The following PDZRN3 variants were observed in gnomAD, a reference collection of about 807,000 sequenced individuals.
The protein encoded by PDZRN3 is PDZ domain containing ring finger 3, also known as E3 ubiquitin-protein ligase PDZRN3.
A neutral mutation model predicts 85.7 loss-of-function variants in PDZRN3; 38 were observed. The ratio of observed to expected loss-of-function variants is 0.44; its 90% confidence interval spans 0.34 to 0.58. The LOEUF is 0.58. PDZRN3 is among the 20% of genes least tolerant of loss of function. PDZRN3 has a pLI of 0.01. For synonymous variants in PDZRN3, 759 were observed against 638.0 expected (o/e 1.19, Z -2.86); for missense variants, 1,629 against 1,506.4 (o/e 1.08, Z -1.35).
chr3:73,571,935 G>C (rs1464846585), intron 3 of PDZRN3, among the ~76,000 whole-genome samples: 2 of 152,074 alleles, frequency 1.3e-5, no homozygotes, highest in African/African-American at 2.4e-5. Context: ...CATGGCATTG[G>C]GTTTAGAAAA....
intron 3 of PDZRN3, among the ~76,000 whole-genome samples, chr3:73,566,742 G>A (rs1701956614): frequency 6.6e-6 from 1 of 152,100 alleles, no homozygotes; most frequent in Non-Finnish European, 1.5e-5. Context: ...CTAACAAGGG[G>A]CAGCCTGTTC....
At chr3:73,543,033 G>A (rs1701324104) in intron 3 of PDZRN3, among the ~76,000 whole-genome samples, 3 of 152,092 alleles carry the variant, frequency 2.0e-5, no homozygotes, top group Non-Finnish European at 4.4e-5. Context: ...TATTTTACCT[G>A]GATAAATGCA....
At chr3:73,591,767 T>C (rs1702360450) in intron 3 of PDZRN3, among the ~76,000 whole-genome samples, 1 of 152,224 alleles carries the variant, frequency 6.6e-6, no homozygotes, top group Non-Finnish European at 1.5e-5. Context: ...CCCAAGATCA[T>C]GAAGCTCGCA....
intron 3 of PDZRN3, among the ~76,000 whole-genome samples, chr3:73,492,362 G>C (rs529253346): frequency 1.3e-5 from 2 of 152,264 alleles, no homozygotes; most frequent in South Asian, 4.1e-4. Flanking sequence ...CTGTGAGCTC[G>C]CTACGGTCCC....
chr3:73,386,896 G>A (rs933654492), intron 8 of PDZRN3, among the ~76,000 whole-genome samples: 1 of 152,072 alleles, frequency 6.6e-6, no homozygotes, highest in Non-Finnish European at 1.5e-5. Context: ...GATATGGTTT[G>A]GCTGTCCCCA....
intron 3 of PDZRN3, among the ~76,000 whole-genome samples, chr3:73,441,411 CAAAAAA>C (rs10656791): frequency 4.4e-5 from 3 of 68,192 alleles, no homozygotes; most frequent in African/African-American, 1.3e-4. Flanking sequence ...GACTCTGTCC[CAAAAAA>C]AAAAAAAAAA....
chr3:73,612,726 C>T (rs1194384739), intron 1 of PDZRN3, among the ~76,000 whole-genome samples: 1 of 152,150 alleles, frequency 6.6e-6, no homozygotes, highest in Non-Finnish European at 1.5e-5. Context: ...AAGATGTCTT[C>T]AGGAATCTCA....
intron 5 of PDZRN3, among the ~76,000 whole-genome samples, chr3:73,400,470 T>C (rs1200683872): frequency 3.3e-5 from 5 of 152,190 alleles, no homozygotes; most frequent in Non-Finnish European, 2.9e-5. Flanking sequence ...GTTAGCAAAC[T>C]TGAAGCAAGT....
At chr3:73,441,345 G>A (rs1344543195) in intron 3 of PDZRN3, among the ~76,000 whole-genome samples, 6 of 146,138 alleles carry the variant, frequency 4.1e-5, no homozygotes, top group Non-Finnish European at 6.0e-5. Context: ...CCTGGGAGGC[G>A]GAGGTTGCTG....
intron 3 of PDZRN3, among the ~76,000 whole-genome samples, chr3:73,582,953 G>C (rs1468785503): frequency 6.6e-6 from 1 of 152,080 alleles, no homozygotes; most frequent in Non-Finnish European, 1.5e-5. Flanking sequence ...TATTGATATA[G>C]CCTTACATTT....
At chr3:73,529,228 T>G (rs1385707540) in intron 3 of PDZRN3, among the ~76,000 whole-genome samples, 1 of 152,210 alleles carries the variant, frequency 6.6e-6, no homozygotes, top group East Asian at 1.9e-4. Flanking sequence ...CTCAAGAGCT[T>G]GGTGGTCTAG....
chr3:73,556,484 A>C (rs1701698460), intron 3 of PDZRN3, among the ~76,000 whole-genome samples: 1 of 152,214 alleles, frequency 6.6e-6, no homozygotes, highest in Non-Finnish European at 1.5e-5. Flanking sequence ...AAGAGAAGTA[A>C]AATGACCTTT....
intron 3 of PDZRN3, among the ~76,000 whole-genome samples, chr3:73,435,140 A>G (rs189781175): frequency 1.5e-3 from 225 of 152,286 alleles, no homozygotes; most frequent in African/African-American, 5.1e-3. Context: ...GGGAGCCGAG[A>G]CACACCTGAG....
At chr3:73,619,818 T>C (rs1702825287) in intron 1 of PDZRN3, among the ~76,000 whole-genome samples, 1 of 152,236 alleles carries the variant, frequency 6.6e-6, no homozygotes, top group African/African-American at 2.4e-5. Flanking sequence ...TGATAAAAGA[T>C]ACACATTTAT....
chr3:73,545,893 G>A (rs1701412166), intron 3 of PDZRN3, among the ~76,000 whole-genome samples: 1 of 152,118 alleles, frequency 6.6e-6, no homozygotes, highest in South Asian at 2.1e-4. Context: ...TTGGTGGGAG[G>A]TGAGGGGGAG....
At chr3:73,439,445 A>C (rs888528459) in intron 3 of PDZRN3, among the ~76,000 whole-genome samples, 2 of 152,154 alleles carry the variant, frequency 1.3e-5, no homozygotes, top group African/African-American at 4.8e-5. Flanking sequence ...CCCAAATCAC[A>C]ATCTGTTGAA....
intron 3 of PDZRN3, among the ~76,000 whole-genome samples, chr3:73,521,422 G>C (rs1704361904): frequency 6.6e-6 from 1 of 152,082 alleles, no homozygotes; most frequent in African/African-American, 2.4e-5. Context: ...AAGATGCTGG[G>C]CTCGCTCGCT....
At chr3:73,497,474 GATTC>G (rs1703887179) in intron 3 of PDZRN3, among the ~76,000 whole-genome samples, 2 of 152,156 alleles carry the variant, frequency 1.3e-5, no homozygotes, top group East Asian at 1.9e-4. Context: ...TAAAGCAAAT[GATTC>G]ATTATCACTG....
chr3:73,582,846 C>G (rs1193544576), intron 3 of PDZRN3, among the ~76,000 whole-genome samples: 1 of 152,060 alleles, frequency 6.6e-6, no homozygotes, highest in East Asian at 1.9e-4. Flanking sequence ...AGGAAACAGC[C>G]CATTCCTCCA....
Sources: gnomAD v4.1 joint callset for allele counts (sites outside exome capture counted in the v4.1 genomes callset) on GRCh38, gnomAD v4.1.1 for gene constraint, MANE v1.5 for transcripts, NCBI Gene and HGNC (gene_info 2026-07-23, HGNC 2026-07-21) for gene names.